LIN52: variants seen among roughly 807,000 people sequenced by gnomAD.
The protein encoded by LIN52 is protein lin-52 homolog.
A neutral mutation model predicts 18.5 loss-of-function variants in LIN52; 4 were observed. The ratio of observed to expected loss-of-function variants is 0.22; its 90% CI spans 0.11 to 0.49. LIN52 has a LOEUF of 0.49. LIN52 is among the 20% of genes least tolerant of loss of function. The probability of loss-of-function intolerance (pLI) is 0.97; values close to 1 mark genes in which losing one functional copy is unlikely to be tolerated. For synonymous variants in LIN52, 34 were observed against 45.5 expected (o/e 0.75, Z 1.02); for missense variants, 102 against 139.5 (o/e 0.73, Z 1.35).
At chr14:74,186,008 G>A (rs2061339244) in intron 5 of LIN52, among the ~76,000 whole-genome samples, 1 of 152,132 alleles carries the variant, frequency 6.6e-6, no homozygotes, top group African/African-American at 2.4e-5. Context: ...AAGAACTGAG[G>A]CCGGGCACAG....
At chr14:74,086,100 A>G (rs959555316) in intron 1 of LIN52, among the ~76,000 whole-genome samples, 1 of 151,784 alleles carries the variant, frequency 6.6e-6, no homozygotes, top group Non-Finnish European at 1.5e-5. Flanking sequence ...GCCCTTTCCC[A>G]CCATTATTCA....
chr14:74,103,860 C>A (rs2060879311), intron 5 of LIN52, among the ~76,000 whole-genome samples: 1 of 144,478 alleles, frequency 6.9e-6, no homozygotes, highest in Non-Finnish European at 1.5e-5. Context: ...GTAGCTGAGA[C>A]TACAGGCACA....
intron 5 of LIN52, among the ~76,000 whole-genome samples, chr14:74,108,127 G>A (rs1200654007): frequency 6.6e-6 from 1 of 152,142 alleles, no homozygotes; most frequent in East Asian, 1.9e-4. Context: ...CATATAATAT[G>A]TGGTTTCTTG....
chr14:74,189,287 T>G (rs1006538214), intron 5 of LIN52, among the ~76,000 whole-genome samples: 2 of 152,240 alleles, frequency 1.3e-5, no homozygotes, highest in African/African-American at 4.8e-5. Context: ...TATTACTATG[T>G]AAAGGCCCTG....
chr14:74,134,718 G>A (rs1595169912), intron 5 of LIN52, among the ~76,000 whole-genome samples: 2 of 152,278 alleles, frequency 1.3e-5, no homozygotes, highest in South Asian at 4.1e-4. Context: ...GCCAGCTAGA[G>A]TTAAGGTGAA....
intron 2 of LIN52, among the ~76,000 whole-genome samples, chr14:74,094,643 T>C (rs2060795518): frequency 6.6e-6 from 1 of 152,250 alleles, no homozygotes; most frequent in African/African-American, 2.4e-5. Context: ...AGGATAACTG[T>C]ATGAGGGCCC....
At chr14:74,152,914 C>T (rs931026052) in intron 5 of LIN52, among the ~76,000 whole-genome samples, 2 of 145,194 alleles carry the variant, frequency 1.4e-5, no homozygotes, top group Non-Finnish European at 3.0e-5. Context: ...GAGCTGAGAT[C>T]GCACCACTGC....
chr14:74,150,811 G>A (rs1219667490), intron 5 of LIN52, among the ~76,000 whole-genome samples: 1 of 152,110 alleles, frequency 6.6e-6, no homozygotes, highest in African/African-American at 2.4e-5. Context: ...CATGAAAAAA[G>A]GATATTGAGC....
intron 5 of LIN52, among the ~76,000 whole-genome samples, chr14:74,150,898 C>T (rs990705834): frequency 6.6e-6 from 1 of 152,154 alleles, no homozygotes; most frequent in Admixed American, 6.5e-5. Flanking sequence ...CTGCTCCAAG[C>T]TCCAGATTTC....
intron 5 of LIN52, among the ~76,000 whole-genome samples, chr14:74,181,602 T>C (rs1025289244): frequency 1.3e-5 from 2 of 152,160 alleles, no homozygotes; most frequent in African/African-American, 4.8e-5. Flanking sequence ...TTAATACACA[T>C]TTACTATATG....
intron 1 of LIN52, among the ~76,000 whole-genome samples, chr14:74,086,950 A>AT (rs1294497689): frequency 2.0e-5 from 3 of 151,988 alleles, no homozygotes; most frequent in African/African-American, 7.3e-5. Flanking sequence ...CCACAGTTGA[A>AT]AAAAAAAGCC....
intron 2 of LIN52, among the ~76,000 whole-genome samples, chr14:74,094,641 T>C (rs2060795505): frequency 1.3e-5 from 2 of 152,208 alleles, no homozygotes; most frequent in African/African-American, 4.8e-5. Context: ...AGAGGATAAC[T>C]GTATGAGGGC....
rs77268385 is a variant in LIN52 at position 74,150,474 on chromosome 14, A to T, written c.284-48448A>T. On this transcript the variant is annotated intron_variant, in intron 5 of 5. Transcript: ENST00000555028. Reference sequence around the variant, plus strand: ...TTTCATTTCTATAAAGTTCAGAAACATGCAGAGCTAATCCATGGTGATACA... The same window carrying T: ...TTTCATTTCTATAAAGTTCAGAAACTTGCAGAGCTAATCCATGGTGATACA... Among the ~76,000 whole-genome samples, 390 of 152,332 alleles carry T rather than the reference A, an allele frequency of 2.6e-3. 3 individuals are homozygous for T. The highest frequency in any genetic ancestry group is 9.0e-3 in the African/African-American group (373 of 41,578).
At chr14:74,097,425 C>CTTT (rs35249058) in intron 3 of LIN52, among the ~76,000 whole-genome samples, 9 of 133,558 alleles carry the variant, frequency 6.7e-5, no homozygotes, top group Middle Eastern at 3.9e-3. Context: ...TTTTCTTTTT[C>CTTT]TTTTTTTTTT....
intron 5 of LIN52, 89 bp from the exon 6 acceptor site, chr14:74,198,833 T>C (rs2078930277): frequency 2.0e-6 from 2 of 985,128 alleles, no homozygotes; most frequent in East Asian, 4.9e-5. Context: ...ATAATTTAAA[T>C]CAATCTGCAT....
At position 74,112,798 on chromosome 14, in the gene LIN52, T is replaced by G. The variant is rs138459540; in HGVS notation, c.283+11560T>G. 9.9e-4 allele frequency among the ~76,000 whole-genome samples: 151 copies of G among 152,320 alleles called. No homozygotes were observed. The Middle Eastern group carries it at 0.01, about 10-fold the overall frequency. ...TAGGAAGATAATTACTGCCCTCTTG[T>G]AGATTAAAATCTAGTAGGAAAGGAA... is the stretch of plus-strand genomic sequence containing the variant. On this transcript the variant is annotated intron_variant, in intron 5 of 5. Coordinates refer to ENST00000555028, the MANE Select transcript of LIN52 (RefSeq NM_001024674.3).
intron 5 of LIN52, among the ~76,000 whole-genome samples, chr14:74,147,484 C>A (rs1161594973): frequency 1.3e-5 from 2 of 152,134 alleles, no homozygotes; most frequent in African/African-American, 4.8e-5. Flanking sequence ...TTCAAAGACA[C>A]CATTAAGAAA....
chr14:74,171,789 A>G (rs565259417), intron 5 of LIN52, among the ~76,000 whole-genome samples: 1 of 130,162 alleles, frequency 7.7e-6, no homozygotes, highest in African/African-American at 3.1e-5. Flanking sequence ...CCCAGTCTGG[A>G]GAGCAATGGT....
chr14:74,090,398 C>T (rs1224576873), intron 1 of LIN52, among the ~76,000 whole-genome samples: 1 of 151,464 alleles, frequency 6.6e-6, no homozygotes, highest in Non-Finnish European at 1.5e-5. Context: ...TACAGTGGTG[C>T]AATCTTGGCT....
Sources: gnomAD v4.1 joint callset for allele counts (sites outside exome capture counted in the v4.1 genomes callset) on GRCh38, gnomAD v4.1.1 for gene constraint, MANE v1.5 for transcripts, NCBI Gene and HGNC (gene_info 2026-07-23, HGNC 2026-07-21) for gene names.